The following GPC5 variants were observed in gnomAD, a reference collection of about 807,000 sequenced individuals.
The protein encoded by GPC5 is glypican 5.
A neutral mutation model predicts 53.9 loss-of-function variants in GPC5; 47 were observed. That is an observed-to-expected ratio of 0.87 (90% CI 0.69 to 1.11). The LOEUF is 1.11. Ranked by LOEUF, GPC5 falls within the 50% of genes most tolerant of loss-of-function variation. GPC5 has a pLI of 0.00. For synonymous variants in GPC5, 286 were observed against 263.3 expected, an observed-to-expected ratio of 1.09 and a Z score of -0.84; for missense variants, 748 against 713.1, an observed-to-expected ratio of 1.05 and a Z score of -0.56.
intron 7 of GPC5, among the ~76,000 whole-genome samples, chr13:92,226,117 C>A (rs1594014062): frequency 1.3e-5 from 2 of 152,148 alleles, no homozygotes; most frequent in East Asian, 1.9e-4. Flanking sequence ...CTCTCTCCTG[C>A]CACAAAGTAA....
intron 2 of GPC5, among the ~76,000 whole-genome samples, chr13:91,527,416 G>A (rs935476622): frequency 1.3e-5 from 2 of 152,350 alleles, no homozygotes; most frequent in East Asian, 3.9e-4. Context: ...CACGTCCAGG[G>A]CACACTGATG....
At chr13:92,505,668 C>A (rs867201936) in intron 7 of GPC5, among the ~76,000 whole-genome samples, 1 of 152,056 alleles carries the variant, frequency 6.6e-6, no homozygotes. Flanking sequence ...ATGTTTATAG[C>A]AGTTCTCTTC....
intron 7 of GPC5, among the ~76,000 whole-genome samples, chr13:92,203,334 G>C (rs917719630): frequency 6.7e-6 from 1 of 148,726 alleles, no homozygotes. Flanking sequence ...CATATCCTTT[G>C]TAGGGACATG....
At chr13:91,793,287 C>G (rs2037997195) in intron 5 of GPC5, among the ~76,000 whole-genome samples, 1 of 152,106 alleles carries the variant, frequency 6.6e-6, no homozygotes, top group African/African-American at 2.4e-5. Context: ...ATCACAAGAA[C>G]AGCATGGGGA....
At chr13:92,329,058 G>T (rs7981777) in intron 7 of GPC5, among the ~76,000 whole-genome samples, 61,276 of 151,904 alleles carry the variant, frequency 0.4, 12,504 homozygotes, top group Middle Eastern at 0.51. Flanking sequence ...TTTCTGAGAG[G>T]GAAGGGACTC....
At position 91,513,727 on chromosome 13, in the gene GPC5, C is replaced by A. The variant is rs143870405; in HGVS notation, c.325+64805C>A. On this transcript the variant is annotated intron_variant, in intron 2 of 7. Transcript: ENST00000377067. ...CTGCACTCCAGCCTGGGCAACAGAG[C>A]GAGACGCCATCTCAAAAAAAAGAAA... Among the ~76,000 whole-genome samples the A allele has an allele frequency of 5.4e-4, 82 of 152,096 alleles. No individual in the cohort carries two copies. In the Middle Eastern group the frequency reaches 0.01, roughly 19 times the overall value.
At chr13:92,032,052 A>AAT (rs1448807051) in intron 6 of GPC5, among the ~76,000 whole-genome samples, 4 of 136,800 alleles carry the variant, frequency 2.9e-5, no homozygotes, top group Non-Finnish European at 3.1e-5. Flanking sequence ...ATATATATAA[A>AAT]ATATATATAT....
intron 1 of GPC5, among the ~76,000 whole-genome samples, chr13:91,415,733 C>CT (rs1372212215): frequency 2.7e-5 from 2 of 72,962 alleles, no homozygotes; most frequent in Non-Finnish European, 4.8e-5. Context: ...TTGTAAAAGT[C>CT]TTTTTGCGGG....
intron 7 of GPC5, among the ~76,000 whole-genome samples, chr13:92,405,854 A>G (rs1875773696): frequency 6.6e-6 from 1 of 152,206 alleles, no homozygotes. Context: ...AATAGTTAAG[A>G]AGAAGGTGAC....
intron 7 of GPC5, among the ~76,000 whole-genome samples, chr13:92,184,715 T>C (rs2042171970): frequency 6.6e-6 from 1 of 152,238 alleles, no homozygotes; most frequent in Non-Finnish European, 1.5e-5. Context: ...GTGTGTGTAA[T>C]GAGAGAAAGT....
intron 6 of GPC5, among the ~76,000 whole-genome samples, chr13:92,103,839 GT>G (rs920625662): frequency 1.3e-5 from 2 of 152,074 alleles, no homozygotes; most frequent in Admixed American, 6.6e-5. Context: ...ATTCTCTTAG[GT>G]TTTTTTCAGA....
intron 7 of GPC5, among the ~76,000 whole-genome samples, chr13:92,305,325 G>T (rs2043103754): frequency 2.0e-5 from 3 of 152,014 alleles, no homozygotes; most frequent in African/African-American, 7.2e-5. Flanking sequence ...TTTTTAAAAG[G>T]TATGTAAATA....
At chr13:91,427,526 T>G (rs1313455611) in intron 1 of GPC5, among the ~76,000 whole-genome samples, 1 of 152,232 alleles carries the variant, frequency 6.6e-6, no homozygotes, top group Non-Finnish European at 1.5e-5. Context: ...TGAGAACATT[T>G]ACCCAATGCC....
At chr13:91,653,178 G>A (rs1199176721) in intron 2 of GPC5, among the ~76,000 whole-genome samples, 1 of 152,110 alleles carries the variant, frequency 6.6e-6, no homozygotes, top group Admixed American at 6.5e-5. Context: ...CTTTTCAAAC[G>A]TTCCTGTAAA....
At chr13:91,969,200 C>G (rs1391730972) in intron 6 of GPC5, among the ~76,000 whole-genome samples, 1 of 152,076 alleles carries the variant, frequency 6.6e-6, no homozygotes, top group Non-Finnish European at 1.5e-5. Context: ...AACTCCTGAC[C>G]TCATGATCCT....
intron 7 of GPC5, among the ~76,000 whole-genome samples, chr13:92,840,457 T>A (rs952455684): frequency 6.6e-6 from 1 of 152,120 alleles, no homozygotes. Flanking sequence ...ATTTATTCCC[T>A]TGATTTGTCT....
At chr13:92,658,970 C>T (rs1244174405) in intron 7 of GPC5, 2 of 137,234 alleles carry the variant, frequency 1.5e-5, no homozygotes, top group African/African-American at 5.5e-5. Flanking sequence ...GCTCTGTCGC[C>T]CAGGCTGGAG....
chr13:92,477,919 G>A (rs1330175060), intron 7 of GPC5, among the ~76,000 whole-genome samples: 1 of 152,034 alleles, frequency 6.6e-6, no homozygotes, highest in Non-Finnish European at 1.5e-5. Context: ...CAATGTACCT[G>A]GCACTTTTGA....
chr13:91,584,092 C>T (rs1296715062), intron 2 of GPC5, among the ~76,000 whole-genome samples: 1 of 152,040 alleles, frequency 6.6e-6, no homozygotes, highest in Admixed American at 6.6e-5. Flanking sequence ...AGAGGGAAGG[C>T]CATTGGAAAA....
Sources: allele counts gnomAD v4.1 joint callset (sites outside exome capture counted in the v4.1 genomes callset), GRCh38; gene constraint gnomAD v4.1.1; transcripts MANE v1.5; gene names NCBI Gene and HGNC (gene_info 2026-07-23, HGNC 2026-07-21).